STPG2: variants seen among roughly 807,000 people sequenced by gnomAD.
The protein encoded by STPG2 is sperm-tail PG-rich repeat-containing protein 2.
Under a neutral mutation model 54.2 loss-of-function variants are expected in STPG2, and 56 were observed. That is an observed-to-expected ratio of 1.03 (90% CI 0.83 to 1.29). The LOEUF (loss-of-function observed/expected upper bound fraction) is 1.29, where lower values mean the gene tolerates loss of function less well. STPG2 is among the 50% of genes most tolerant of loss of function. The probability of loss-of-function intolerance (pLI) is 0.00; values close to 1 mark genes in which losing one functional copy is unlikely to be tolerated. For synonymous variants in STPG2, 200 were observed against 181.8 expected, an observed-to-expected ratio of 1.10 and a Z score of -0.81; for missense variants, 596 against 544.9, an observed-to-expected ratio of 1.09 and a Z score of -0.93.
chr4:98,104,204 A>T (rs1739126144), intron 5 of STPG2, among the ~76,000 whole-genome samples: 1 of 152,212 alleles, frequency 6.6e-6, no homozygotes, highest in African/African-American at 2.4e-5. Flanking sequence ...TTCCATGTCA[A>T]AATAATCAGG....
At chr4:97,591,061 T>C (rs971883006) in intron 10 of STPG2, among the ~76,000 whole-genome samples, 4 of 152,096 alleles carry the variant, frequency 2.6e-5, no homozygotes, top group Non-Finnish European at 4.4e-5. Context: ...ATCAAAAGCA[T>C]GCAGAATAAC....
intron 8 of STPG2, among the ~76,000 whole-genome samples, chr4:97,922,871 C>T (rs1732159939): frequency 6.8e-6 from 1 of 147,870 alleles, no homozygotes; most frequent in Non-Finnish European, 1.5e-5. Flanking sequence ...ATTATGTACC[C>T]TATGAAACTT....
chr4:97,441,994 A>G (rs1296436026), intron 4 of STPG2, among the ~76,000 whole-genome samples: 1 of 152,068 alleles, frequency 6.6e-6, no homozygotes, highest in African/African-American at 2.4e-5. Context: ...ATTTAGTTAT[A>G]AAATAAACTT....
chr4:97,744,757 G>A (rs187346374), intron 9 of STPG2, among the ~76,000 whole-genome samples: 9 of 151,500 alleles, frequency 5.9e-5, no homozygotes, highest in Admixed American at 1.3e-4. Flanking sequence ...AAAGCTATGT[G>A]AATGTTGTCT....
intron 9 of STPG2, among the ~76,000 whole-genome samples, chr4:97,790,564 G>A (rs1726960173): frequency 6.6e-6 from 1 of 152,048 alleles, no homozygotes; most frequent in South Asian, 2.1e-4. Flanking sequence ...AATTTTCCTG[G>A]TAGCTGTTGG....
intron 9 of STPG2, among the ~76,000 whole-genome samples, chr4:97,829,436 G>A (rs1320640237): frequency 1.3e-5 from 2 of 151,908 alleles, no homozygotes; most frequent in Non-Finnish European, 2.9e-5. Flanking sequence ...TAAAAAGGCT[G>A]AAAATTCCAA....
rs537459006 is a variant in STPG2 at position 97,478,748 on chromosome 4, TAA to T, written c.462+233949_462+233950del. Among the ~76,000 whole-genome samples the T allele has an allele frequency of 5.0e-3, 752 of 151,784 alleles. 4 individuals are homozygous for T. The highest frequency in any genetic ancestry group is 0.021 in the Middle Eastern group (6 of 292). ...CGATTGCCTAATAATTCAAAATGAC[TAA>T]AAAAAATGAGGAAGGGCTTGTTAAC... On this transcript the variant is annotated intron_variant, in intron 4 of 4. Coordinates refer to the STPG2 transcript ENST00000522676.
At chr4:97,593,638 C>T (rs951283962) in intron 10 of STPG2, among the ~76,000 whole-genome samples, 1 of 152,174 alleles carries the variant, frequency 6.6e-6, no homozygotes, top group African/African-American at 2.4e-5. Context: ...CCCACTGCTA[C>T]ACCACCCCAG....
chr4:97,940,921 T>G (rs1035678576), intron 8 of STPG2, among the ~76,000 whole-genome samples: 1 of 152,142 alleles, frequency 6.6e-6, no homozygotes, highest in African/African-American at 2.4e-5. Flanking sequence ...CATATTCATC[T>G]TTGTCTTTAT....
At chr4:97,848,751 T>C (rs962060193) in intron 8 of STPG2, among the ~76,000 whole-genome samples, 6 of 151,812 alleles carry the variant, frequency 4.0e-5, no homozygotes, top group Admixed American at 3.9e-4. Flanking sequence ...ATTTATTAAA[T>C]AGGGAATCCT....
At chr4:98,059,641 C>CA (rs33990276) in intron 5 of STPG2, among the ~76,000 whole-genome samples, 2,978 of 137,242 alleles carry the variant, frequency 0.022, 38 homozygotes, top group African/African-American at 0.045. Flanking sequence ...AATATCAATG[C>CA]AAAAAAAAAA....
At chr4:97,796,722 T>G (rs748358684) in intron 9 of STPG2, among the ~76,000 whole-genome samples, 10 of 152,236 alleles carry the variant, frequency 6.6e-5, no homozygotes, top group South Asian at 4.1e-4. Flanking sequence ...AAGTAGTTTT[T>G]TCCAATTCTG....
At chr4:98,009,684 T>C (rs1301365234) in intron 5 of STPG2, among the ~76,000 whole-genome samples, 4 of 152,198 alleles carry the variant, frequency 2.6e-5, no homozygotes, top group Non-Finnish European at 5.9e-5. Context: ...AAGTGTGGTA[T>C]TGAAGTCCCT....
intron 4 of STPG2, among the ~76,000 whole-genome samples, chr4:97,488,105 T>C (rs1201280346): frequency 6.6e-6 from 1 of 151,656 alleles, no homozygotes; most frequent in Non-Finnish European, 1.5e-5. Flanking sequence ...TATGTTCTTA[T>C]AGTTTGTATT....
intron 10 of STPG2, among the ~76,000 whole-genome samples, chr4:97,685,547 G>T (rs1723161896): frequency 6.6e-6 from 1 of 152,112 alleles, no homozygotes; most frequent in Admixed American, 6.5e-5. Flanking sequence ...CAGAGGAAGG[G>T]ATGCAGGCAT....
chr4:97,959,513 T>C (rs1489594760), intron 7 of STPG2, among the ~76,000 whole-genome samples: 1 of 151,712 alleles, frequency 6.6e-6, no homozygotes, highest in Admixed American at 6.6e-5. Context: ...AGAAACAAAA[T>C]GGGACATATT....
intron 9 of STPG2, among the ~76,000 whole-genome samples, chr4:97,738,937 T>C (rs1725121262): frequency 6.6e-6 from 1 of 152,122 alleles, no homozygotes; most frequent in East Asian, 1.9e-4. Flanking sequence ...ACCACACCTA[T>C]TCCAAAATTG....
chr4:97,488,081 A>C (rs1730412561), intron 4 of STPG2, among the ~76,000 whole-genome samples: 1 of 151,552 alleles, frequency 6.6e-6, no homozygotes, highest in Non-Finnish European at 1.5e-5. Flanking sequence ...AAGTTGTTAC[A>C]TGTTCTTCAC....
intron 8 of STPG2, among the ~76,000 whole-genome samples, chr4:97,938,694 G>A (rs1715193103): frequency 6.6e-6 from 1 of 152,194 alleles, no homozygotes; most frequent in South Asian, 2.1e-4. Flanking sequence ...GCCTCCCTTG[G>A]CTGGTGCTGG....
Sources: allele counts gnomAD v4.1 joint callset (sites outside exome capture counted in the v4.1 genomes callset), GRCh38; gene constraint gnomAD v4.1.1; transcripts MANE v1.5; gene names NCBI Gene and HGNC (gene_info 2026-07-23, HGNC 2026-07-21).